The following AGTPBP1 variants were observed in gnomAD, a reference collection of about 807,000 sequenced individuals.
AGTPBP1 encodes ATP/GTP binding carboxypeptidase 1.
AGTPBP1 carries 70 observed loss-of-function variants against 143.9 expected under a neutral mutation model. The observed-to-expected ratio is 0.49, with a 90% CI of 0.40 to 0.59. The LOEUF is 0.59. AGTPBP1 is among the 20% of genes least tolerant of loss of function. The pLI, the probability that AGTPBP1 is intolerant of heterozygous loss-of-function variation, is 0.00. For missense variants in AGTPBP1, 1,229 were observed against 1,464.5 expected (o/e 0.84, Z 2.62); for synonymous variants, 463 against 500.2 (o/e 0.93, Z 0.99).
At chr9:85,560,240 C>T (rs1172569757) in intron 25 of AGTPBP1, among the ~76,000 whole-genome samples, 1 of 152,186 alleles carries the variant, frequency 6.6e-6, no homozygotes, top group Admixed American at 6.5e-5. Flanking sequence ...TGCTGATTTA[C>T]ATTACAAAGC....
chr9:85,753,757 AATAGATAGATAGATAGATAG>A, the AGTPBP1 span, among the ~76,000 whole-genome samples: 2,590 of 145,684 alleles, frequency 0.018, 41 homozygotes, highest in Middle Eastern at 0.062. Flanking sequence ...CCTCTCAATA[AATAGATAGATAGATAGATAG>A]ATAGATAGAT....
chr9:85,741,354 G>C, intron 1 of AGTPBP1: 1 of 985,392 alleles, frequency 1.0e-6, no homozygotes, highest in Non-Finnish European at 1.2e-6. Flanking sequence ...ACTGGGGCGG[G>C]GGAGAGCGGG....
chr9:85,568,683 T>C (rs755723516), intron 25 of AGTPBP1, among the ~76,000 whole-genome samples: 5 of 152,132 alleles, frequency 3.3e-5, no homozygotes, highest in Non-Finnish European at 2.9e-5. Context: ...CAAAGGGTAA[T>C]GGCAGCCTGG....
Position 85,660,929 on chromosome 9 carries a change from AACTT to A in AGTPBP1, c.700+3_700+6del. On this transcript the variant is annotated splice_donor_5th_base_variant and intron_variant, in intron 9 of 25. Transcript: ENST00000357081. ...GTATCTAGTATTTCTAGTATTTAAA[AACTT>A]ACTTGATTTTAGCAATGCAGCAAGA... 6.4e-7 allele frequency: 1 copy of A among 1,574,148 alleles called. No homozygotes were observed. The highest frequency in any genetic ancestry group is 8.6e-7 in the Non-Finnish European group (1 of 1,161,462).
chr9:85,595,785 C>T (rs1371637666), intron 18 of AGTPBP1, among the ~76,000 whole-genome samples: 1 of 152,124 alleles, frequency 6.6e-6, no homozygotes, highest in African/African-American at 2.4e-5. Context: ...CCTCACCCTC[C>T]CAAAGTGCTG....
chr9:85,643,427 C>T (rs1047444306), intron 12 of AGTPBP1, among the ~76,000 whole-genome samples: 3 of 152,112 alleles, frequency 2.0e-5, no homozygotes, highest in Admixed American at 6.5e-5. Flanking sequence ...CTGAAAATTA[C>T]ACATCTTGCA....
chr9:85,728,053 A>C, intron 1 of AGTPBP1, among the ~76,000 whole-genome samples: 1 of 150,748 alleles, frequency 6.6e-6, no homozygotes, highest in African/African-American at 2.5e-5. Flanking sequence ...ACACACACAC[A>C]CACACACACA....
chr9:85,693,313 T>C (rs1005545928), intron 2 of AGTPBP1, among the ~76,000 whole-genome samples: 1 of 152,010 alleles, frequency 6.6e-6, no homozygotes, highest in Non-Finnish European at 1.5e-5. Context: ...CAAATATTTG[T>C]ACATAGGCCG....
At chr9:85,799,640 C>A in the AGTPBP1 span, among the ~76,000 whole-genome samples, 4 of 152,162 alleles carry the variant, frequency 2.6e-5, no homozygotes, top group African/African-American at 4.8e-5. Context: ...CTCAGCCTCC[C>A]AAGTAGCTAG....
chr9:85,770,799 T>G, the AGTPBP1 span, among the ~76,000 whole-genome samples: 4 of 152,128 alleles, frequency 2.6e-5, no homozygotes, highest in African/African-American at 9.6e-5. Flanking sequence ...CTTGGATGTT[T>G]TCTAGATTTG....
At chr9:85,723,196 C>A (rs1322857050) in intron 1 of AGTPBP1, among the ~76,000 whole-genome samples, 2 of 152,246 alleles carry the variant, frequency 1.3e-5, no homozygotes, top group Non-Finnish European at 1.5e-5. Context: ...GGGAGAGCCA[C>A]TGCTCTCTTC....
the AGTPBP1 span, among the ~76,000 whole-genome samples, chr9:85,800,768 T>G: frequency 6.6e-6 from 1 of 151,900 alleles, no homozygotes; most frequent in Admixed American, 6.6e-5. Context: ...TAACCATACC[T>G]AACTTAATGC....
the AGTPBP1 span, chr9:85,756,151 G>A: frequency 1.9e-6 from 3 of 1,612,552 alleles, no homozygotes; most frequent in Middle Eastern, 3.3e-4. Context: ...TAGAGGAGCT[G>A]GAAGCAGACT....
At chr9:85,565,109 G>C (rs1466493175) in intron 25 of AGTPBP1, among the ~76,000 whole-genome samples, 1 of 152,152 alleles carries the variant, frequency 6.6e-6, no homozygotes, top group Non-Finnish European at 1.5e-5. Flanking sequence ...AAGCCATCCA[G>C]CCTATTGTAT....
At chr9:85,767,389 C>T in the AGTPBP1 span, among the ~76,000 whole-genome samples, 26 of 146,188 alleles carry the variant, frequency 1.8e-4, no homozygotes, top group African/African-American at 6.3e-4. Flanking sequence ...TGCTCTGTCA[C>T]CAGGCTGGAG....
At chr9:85,623,187 A>G (rs1831052386) in intron 14 of AGTPBP1, among the ~76,000 whole-genome samples, 1 of 152,158 alleles carries the variant, frequency 6.6e-6, no homozygotes, top group Admixed American at 6.5e-5. Flanking sequence ...GGCAGGAAAC[A>G]GAGGTAAAGG....
chr9:85,653,569 A>T (rs1372757998), intron 11 of AGTPBP1, among the ~76,000 whole-genome samples: 1 of 152,104 alleles, frequency 6.6e-6, no homozygotes, highest in Admixed American at 6.5e-5. Flanking sequence ...CACAGGGAAG[A>T]CTCACCAGCT....
the AGTPBP1 span, chr9:85,770,486 A>C: frequency 6.5e-7 from 1 of 1,538,940 alleles, no homozygotes; most frequent in Non-Finnish European, 9.0e-7. Flanking sequence ...AGATATTTCA[A>C]TAAGGTTTGT....
chr9:85,632,959 T>A lies in AGTPBP1; in HGVS notation c.1718A>T (p.His573Leu). The A allele has an allele frequency of 1.2e-6, 2 of 1,614,154 alleles. No individual in the cohort carries two copies. Among genetic ancestry groups the A allele is most frequent in the African/African-American group, 2.7e-5 (2 of 75,054 alleles). ...CAGAACATTTCCACAAGTAGCCATG[T>A]GTGGACATGCTTTAGCACAGGTAAG... is the stretch of plus-strand genomic sequence containing the variant. ...TVLTCAKACPHMATCGNVLFE... is the reference protein window; with the variant it reads ...TVLTCAKACPLMATCGNVLFE... Residue 573 changes from histidine to leucine, a missense_variant, in exon 14 of 26, where the codon CAC becomes CTC. His to Leu is a moderately conservative substitution (Grantham distance 99). Around this residue, in one of 2 missense-constraint regions of AGTPBP1, gnomAD observed 743 missense variants for 812.2 expected, o/e 0.91. Transcript: ENST00000357081.
Sources: gnomAD v4.1 joint callset for allele counts (sites outside exome capture counted in the v4.1 genomes callset) on GRCh38, gnomAD v4.1.1 for gene constraint, gnomAD v4.1.1 regional missense constraint, MANE v1.5 for transcripts, NCBI Gene and HGNC (gene_info 2026-07-23, HGNC 2026-07-21) for gene names.